Variants in ZFPM2 observed in about 807,000 individuals in gnomAD.
ZFPM2 encodes zinc finger protein, FOG family member 2, also known as zinc finger protein ZFPM2.
In ZFPM2, 20 loss-of-function variants were observed where a neutral mutation model predicts 98.6. The observed-to-expected ratio is 0.20, with a 90% CI of 0.14 to 0.29. The LOEUF (loss-of-function observed/expected upper bound fraction) is 0.29. ZFPM2 is among the 10% of genes least tolerant of loss of function. ZFPM2 has a pLI of 1.00. For missense variants in ZFPM2, 1,310 were observed against 1,388.6 expected, an observed-to-expected ratio of 0.94 and a Z score of 0.90; for synonymous variants, 518 against 502.7, an observed-to-expected ratio of 1.03 and a Z score of -0.41.
intron 5 of ZFPM2, among the ~76,000 whole-genome samples, chr8:105,670,776 A>G (rs1368002283): frequency 6.6e-6 from 1 of 152,226 alleles, no homozygotes; most frequent in Non-Finnish European, 1.5e-5. Context: ...TAGAATTAAG[A>G]AAAACCGGAC....
intron 1 of ZFPM2, among the ~76,000 whole-genome samples, chr8:105,392,911 A>G (rs567497105): frequency 1.5e-3 from 235 of 152,250 alleles, no homozygotes; most frequent in Non-Finnish European, 1.9e-3. Flanking sequence ...TATTACTTAA[A>G]TCCAAGTTCT....
chr8:105,522,231 C>T (rs1814078479), intron 3 of ZFPM2, among the ~76,000 whole-genome samples: 1 of 152,044 alleles, frequency 6.6e-6, no homozygotes, highest in African/African-American at 2.4e-5. Flanking sequence ...GGAAAGTTAT[C>T]CTTTTCAAAA....
At chr8:105,445,927 C>CTT (rs777272173) in intron 3 of ZFPM2, among the ~76,000 whole-genome samples, 4 of 145,748 alleles carry the variant, frequency 2.7e-5, no homozygotes, top group Admixed American at 6.8e-5. Flanking sequence ...TTTCTTTTTT[C>CTT]TTTTTTTTTT....
chr8:105,722,835 C>T (rs968791380), intron 5 of ZFPM2, among the ~76,000 whole-genome samples: 6 of 151,878 alleles, frequency 4.0e-5, no homozygotes, highest in Admixed American at 6.6e-5. Flanking sequence ...ACTGTAATTT[C>T]GGTCTGACTC....
intron 3 of ZFPM2, among the ~76,000 whole-genome samples, chr8:105,510,387 G>T (rs377020679): frequency 2.2e-4 from 31 of 143,864 alleles, no homozygotes; most frequent in African/African-American, 7.9e-4. Context: ...TCAGGGCAGG[G>T]GTCTGTGCAT....
At chr8:105,385,398 A>G (rs1420870215) in intron 1 of ZFPM2, among the ~76,000 whole-genome samples, 2 of 152,214 alleles carry the variant, frequency 1.3e-5, no homozygotes, top group African/African-American at 4.8e-5. Context: ...TAGAAAAATC[A>G]ACTATTTCAT....
intron 1 of ZFPM2, among the ~76,000 whole-genome samples, chr8:105,348,404 C>T (rs1367428931): frequency 6.6e-6 from 1 of 152,160 alleles, no homozygotes; most frequent in East Asian, 1.9e-4. Context: ...ATGTGACACA[C>T]ATCAGGTTTT....
intron 2 of ZFPM2, among the ~76,000 whole-genome samples, chr8:105,425,092 C>T (rs1371063841): frequency 6.6e-6 from 1 of 152,092 alleles, no homozygotes; most frequent in Admixed American, 6.6e-5. Context: ...CAGAAGAGGA[C>T]AGCAGAGAGC....
At chr8:105,438,815 A>G (rs1318711224) in intron 2 of ZFPM2, among the ~76,000 whole-genome samples, 9 of 152,172 alleles carry the variant, frequency 5.9e-5, no homozygotes, top group Non-Finnish European at 1.5e-5. Flanking sequence ...GTCAACATGA[A>G]GGTAGAACTC....
chr8:105,321,069 G>GAA (rs1812015625), intron 1 of ZFPM2, among the ~76,000 whole-genome samples: 1 of 152,112 alleles, frequency 6.6e-6, no homozygotes, highest in South Asian at 2.1e-4. Context: ...TAAGAAAAGT[G>GAA]AAAAATTAAA....
At chr8:105,727,154 G>T (rs541664526) in intron 5 of ZFPM2, among the ~76,000 whole-genome samples, 2 of 151,356 alleles carry the variant, frequency 1.3e-5, no homozygotes, top group South Asian at 2.1e-4. Flanking sequence ...GATTTTGGTT[G>T]ACTTTTTTTT....
At chr8:105,553,910 T>C (rs1164109977) in intron 3 of ZFPM2, among the ~76,000 whole-genome samples, 1 of 152,182 alleles carries the variant, frequency 6.6e-6, no homozygotes, top group Non-Finnish European at 1.5e-5. Context: ...CAATTTCATT[T>C]AGTGACAACT....
intron 5 of ZFPM2, among the ~76,000 whole-genome samples, chr8:105,733,795 C>T (rs1017973253): frequency 1.3e-5 from 2 of 151,960 alleles, no homozygotes; most frequent in South Asian, 2.1e-4. Context: ...CTGACTGTCA[C>T]TCATCAATCC....
chr8:105,789,533 T>C (rs1332351368), intron 6 of ZFPM2, among the ~76,000 whole-genome samples: 2 of 152,146 alleles, frequency 1.3e-5, no homozygotes, highest in African/African-American at 2.4e-5. Flanking sequence ...TGAATAGTGC[T>C]GCAATAAACA....
chr8:105,535,295 A>C (rs755955646), intron 3 of ZFPM2, among the ~76,000 whole-genome samples: 2 of 152,132 alleles, frequency 1.3e-5, no homozygotes, highest in Non-Finnish European at 2.9e-5. Context: ...ATTGTTATTA[A>C]AGCATGCTAC....
intron 3 of ZFPM2, among the ~76,000 whole-genome samples, chr8:105,499,783 G>C (rs1328163883): frequency 3.3e-5 from 5 of 152,114 alleles, no homozygotes; most frequent in Non-Finnish European, 5.9e-5. Flanking sequence ...AATAGCAGTT[G>C]TTAAGAGCAG....
intron 3 of ZFPM2, among the ~76,000 whole-genome samples, chr8:105,507,420 A>G (rs1374983573): frequency 6.6e-6 from 1 of 152,194 alleles, no homozygotes; most frequent in East Asian, 1.9e-4. Context: ...GTTTGGTTCT[A>G]TGTCTAGACT....
At chr8:105,584,909 G>A (rs769859117) in intron 4 of ZFPM2, among the ~76,000 whole-genome samples, 1 of 152,132 alleles carries the variant, frequency 6.6e-6, no homozygotes, top group Non-Finnish European at 1.5e-5. Context: ...ATGATAAGGG[G>A]TGTATGTCTG....
chr8:105,782,481 T>C (rs1813278944), intron 5 of ZFPM2: 1 of 152,200 alleles, frequency 6.6e-6, no homozygotes, highest in Non-Finnish European at 1.5e-5. Context: ...TAGTGTGTAA[T>C]TCCTTAAAAT....
Sources: gnomAD v4.1 joint callset for allele counts (sites outside exome capture counted in the v4.1 genomes callset) on GRCh38, gnomAD v4.1.1 for gene constraint, MANE v1.5 for transcripts, NCBI Gene and HGNC (gene_info 2026-07-23, HGNC 2026-07-21) for gene names.